BCCIP: variants seen among roughly 807,000 people sequenced by gnomAD.
BCCIP encodes the protein BRCA2 and CDKN1A-interacting protein.
Under a neutral mutation model 32.8 loss-of-function variants are expected in BCCIP, and 23 were observed. That is an observed-to-expected ratio of 0.70 (90% confidence interval 0.51 to 0.99). The LOEUF (loss-of-function observed/expected upper bound fraction) is 0.99, where lower values mean the gene tolerates loss of function less well. Among genes scored for constraint, BCCIP ranks in the 50% least tolerant of loss-of-function variants. The pLI, the probability that BCCIP is intolerant of heterozygous loss-of-function variation, is 0.00. For missense variants in BCCIP, 378 were observed against 379.8 expected (o/e 1.00, Z 0.04); for synonymous variants, 144 against 137.6 (o/e 1.05, Z -0.33).
In BCCIP at chr10:125,841,903, G is replaced by A. The variant is rs754110250; in HGVS notation, c.*544G>A. 81 of 1,605,204 alleles carry A rather than the reference G, an allele frequency of 5.0e-5. No homozygotes were observed. The highest frequency in any genetic ancestry group is 6.4e-5 in the Non-Finnish European group (75 of 1,177,848). On this transcript the variant is annotated 3_prime_UTR_variant, in exon 7 of 7. Coordinates refer to the BCCIP transcript ENST00000299130. The stretch of plus-strand genomic sequence containing the variant: ...TATCCAGTGCTGCCAGATAATCTAA[G>A]TCTTCCAATGCCTGCATCAAACTTT...
chr10:125,832,495 T>C (rs1168583586), intron 5 of BCCIP, among the ~76,000 whole-genome samples: 1 of 152,218 alleles, frequency 6.6e-6, no homozygotes, highest in Non-Finnish European at 1.5e-5. Context: ...TGCTCCCTGC[T>C]CTCTCAGCTG....
chr10:125,836,570 C>T (rs780113404), downstream of BCCIP: 248 of 1,385,300 alleles, frequency 1.8e-4, no homozygotes, highest in Non-Finnish European at 2.2e-4. Context: ...GTGTTATTTT[C>T]TTCAAGACCG....
intron 6 of BCCIP, among the ~76,000 whole-genome samples, chr10:125,835,420 A>G (rs182168516): frequency 9.9e-5 from 15 of 152,132 alleles, no homozygotes; most frequent in African/African-American, 2.9e-4. Context: ...TTTACTAAAA[A>G]TACAAAAAAT....
intron 6 of BCCIP, among the ~76,000 whole-genome samples, chr10:125,835,058 G>A (rs1194779601): frequency 4.7e-4 from 72 of 151,844 alleles, no homozygotes; most frequent in Non-Finnish European, 7.8e-4. Context: ...GCATAAACCC[G>A]GGAGGCGGAG....
intron 6 of BCCIP, among the ~76,000 whole-genome samples, chr10:125,834,779 C>T (rs928357418): frequency 6.6e-5 from 10 of 151,172 alleles, no homozygotes; most frequent in Admixed American, 3.3e-4. Flanking sequence ...CCACTGCACT[C>T]CAGCCTGAGC....
chr10:125,845,539 G>C (rs1223814832), downstream of BCCIP, among the ~76,000 whole-genome samples: 1 of 152,114 alleles, frequency 6.6e-6, no homozygotes, highest in Non-Finnish European at 1.5e-5. Context: ...ATAGGGCAGG[G>C]GGTCTCCTGG....
At chr10:125,847,064 G>A (rs1384515461), downstream of BCCIP, among the ~76,000 whole-genome samples, 1 of 152,190 alleles carries the variant, frequency 6.6e-6, no homozygotes, top group Non-Finnish European at 1.5e-5. Flanking sequence ...TTAGGGTTGG[G>A]ACTTGGGCAT....
At chr10:125,833,978 A>G (rs1414719094) in intron 6 of BCCIP, 32 bp downstream of exon 6, 1 of 1,600,624 alleles carries the variant, frequency 6.2e-7, no homozygotes, top group Non-Finnish European at 8.5e-7. Context: ...GTTTAGATGT[A>G]AATAAGGATT....
chr10:125,823,645 A>G lies in BCCIP; in HGVS notation c.88A>G (p.Lys30Glu), dbSNP rs200698402. 8.7e-5 allele frequency: 140 copies of G among 1,614,082 alleles called. No individual in the cohort carries two copies. The highest frequency in any genetic ancestry group is 1.6e-4 in the East Asian group (7 of 44,878). ...PPVQRDEEEEKEVENEDEDDD... is the reference protein window; with the variant it reads ...PPVQRDEEEEEEVENEDEDDD... ...AGTCCAGCGCGACGAGGAAGAGGAA[A>G]AAGAAGTCGAAAATGAGGATGAAGA... The change falls in exon 1 of 7, where the codon AAA becomes GAA. Residue 30 changes from lysine to glutamate, a missense_variant. Coordinates refer to ENST00000278100, the MANE Select transcript of BCCIP (RefSeq NM_078468.3).
chr10:125,836,727 T>G (rs1305856161), downstream of BCCIP: 3 of 1,614,106 alleles, frequency 1.9e-6, no homozygotes, highest in African/African-American at 4.0e-5. Flanking sequence ...AGGGCACGTC[T>G]CACACATTTG....
Position 125,836,372 on chromosome 10 carries a change from T to G in BCCIP, c.*98T>G. On this transcript the variant is annotated 3_prime_UTR_variant, in exon 7 of 7. Coordinates refer to ENST00000278100, the MANE Select transcript of BCCIP (RefSeq NM_078468.3). ...AACTCAGACTTTATTCAGATTAAGT[T>G]CCTCTACAAAAAGTAGGGTTCTGTC... 6.4e-7 allele frequency: 1 copy of G among 1,572,340 alleles called. No individual in the cohort carries two copies. The highest frequency in any genetic ancestry group is 8.6e-7 in the Non-Finnish European group (1 of 1,161,898).
In BCCIP at chr10:125,852,167, G is replaced by C. The variant is rs999212655; in HGVS notation, c.851-958G>C. The C allele has an allele frequency of 4.1e-6, 5 of 1,233,828 alleles. No homozygotes were observed. The African/African-American group carries it at 7.6e-5, about 19-fold the overall frequency. 76.4% of individuals were successfully genotyped at this position (1,233,828 alleles called of 1,614,324 possible). A position where few individuals can be genotyped will look rare whatever the true frequency, so the allele number is the denominator to read the frequency against. ...TTACCTCTAGCAGGAAAATGCTTCAGTCCAAACCAACGCCCCCTCCATGCT... is the reference window on the plus strand; with the variant it reads ...TTACCTCTAGCAGGAAAATGCTTCACTCCAAACCAACGCCCCCTCCATGCT... On this transcript the variant is annotated intron_variant, in intron 7 of 7. Coordinates refer to the BCCIP transcript ENST00000368759.
exon 7 of BCCIP, chr10:125,841,690 C>A: frequency 6.3e-7 from 1 of 1,582,206 alleles, no homozygotes; most frequent in Non-Finnish European, 8.5e-7. Flanking sequence ...CGATCTAAAT[C>A]TATACCTAGT....
At chr10:125,844,917 A>G (rs978838357), downstream of BCCIP, among the ~76,000 whole-genome samples, 1 of 152,044 alleles carries the variant, frequency 6.6e-6, no homozygotes, top group African/African-American at 2.4e-5. Context: ...CACTACCATC[A>G]CTCAAAGTAA....
At chr10:125,841,828 A>C in exon 7 of BCCIP, 1 of 1,613,800 alleles carries the variant, frequency 6.2e-7, no homozygotes, top group East Asian at 2.2e-5. Context: ...GTTGTGGATC[A>C]AGAGGAAACT....
chr10:125,826,620 C>T lies in BCCIP; in HGVS notation c.195C>T (p.Ser65=), dbSNP rs1455104063. 1.9e-6 allele frequency: 3 copies of T among 1,613,210 alleles called. No individual in the cohort carries two copies. The highest frequency in any genetic ancestry group is 1.3e-5 in the African/African-American group (1 of 74,924). The change falls in exon 2 of 7, where the codon TCC becomes TCT. Residue 65 remains serine (S), a synonymous_variant. Coordinates refer to ENST00000278100, the MANE Select transcript of BCCIP (RefSeq NM_078468.3). ...EEVNIEFEAY[S]LSDNDYDGIK... ...TGAATATTGAATTTGAAGCTTATTC[C>T]CTATCAGATAATGATTATGACGGAA...
rs553602802 is a variant in BCCIP, at chr10:125,827,860, A to T, written c.321+222A>T. On this transcript the variant is annotated intron_variant, in intron 3 of 6. Coordinates refer to ENST00000278100, the MANE Select transcript of BCCIP (RefSeq NM_078468.3). ...AGTAGCACATGCCTGTAGTCTTTTT[A>T]CCCAGGTGGCTGAGGTAGGAGGATC... Among the ~76,000 whole-genome samples, 3 of 149,664 alleles carry T rather than the reference A, an allele frequency of 2.0e-5. No homozygotes were observed. The South Asian group carries it at 6.4e-4, about 32-fold the overall frequency.
At chr10:125,846,754 G>A (rs375150043), downstream of BCCIP, among the ~76,000 whole-genome samples, 80 of 152,208 alleles carry the variant, frequency 5.3e-4, no homozygotes, top group African/African-American at 1.9e-3. Context: ...CAGTCACAGG[G>A]GACTGGTTCA....
downstream of BCCIP, among the ~76,000 whole-genome samples, chr10:125,846,081 A>G (rs1176386204): frequency 5.3e-5 from 8 of 152,224 alleles, no homozygotes; most frequent in African/African-American, 1.7e-4. Context: ...GGGGAAGACT[A>G]TCGGCCTTCT....
Sources: gnomAD v4.1 joint callset for allele counts (sites outside exome capture counted in the v4.1 genomes callset) on GRCh38, gnomAD v4.1.1 for gene constraint, MANE v1.5 for transcripts, NCBI Gene and HGNC (gene_info 2026-07-23, HGNC 2026-07-21) for gene names.